Variants in MRPL48 observed in about 807,000 individuals in gnomAD.
The protein encoded by MRPL48 is large ribosomal subunit protein mL48.
A neutral mutation model predicts 32.9 loss-of-function variants in MRPL48; 16 were observed. That is an observed-to-expected ratio of 0.49 (90% confidence interval 0.33 to 0.74). The LOEUF is 0.74. Ranked by LOEUF, MRPL48 falls within the 30% of genes least tolerant of loss-of-function variation. The pLI is 0.02. For synonymous variants in MRPL48, 94 were observed against 89.2 expected, an observed-to-expected ratio of 1.05 and a Z score of -0.31; for missense variants, 206 against 245.3, an observed-to-expected ratio of 0.84 and a Z score of 1.07.
chr11:73,862,764 TA>T lies in MRPL48; in HGVS notation c.475-402del, dbSNP rs559660465. 4.6e-5 allele frequency among the ~76,000 whole-genome samples: 7 copies of T among 151,880 alleles called. 1 individual carries two copies. In the South Asian group the frequency reaches 1.5e-3, roughly 32 times the overall value. The stretch of plus-strand genomic sequence containing the variant: ...CCCTGTTTCTACCAAAAAATAAAAA[TA>T]AAAAATTAGCCGGGACTGGTGGCAC... On this transcript the variant is annotated intron_variant, in intron 6 of 7. Coordinates refer to ENST00000310614, the MANE Select transcript of MRPL48 (RefSeq NM_016055.6).
At chr11:73,847,492 G>A (rs182819008) in intron 5 of MRPL48, among the ~76,000 whole-genome samples, 2 of 151,784 alleles carry the variant, frequency 1.3e-5, no homozygotes, top group Middle Eastern at 3.4e-3. Flanking sequence ...CCAGGCTGGA[G>A]TGCAGTGGCA....
At chr11:73,814,497 C>A (rs1947623256) in intron 3 of MRPL48, among the ~76,000 whole-genome samples, 1 of 151,956 alleles carries the variant, frequency 6.6e-6, no homozygotes, top group South Asian at 2.1e-4. Flanking sequence ...GAGTTCGAGA[C>A]CAGCCTGGCC....
intron 1 of MRPL48, among the ~76,000 whole-genome samples, chr11:73,793,863 T>G (rs914714310): frequency 1.1e-4 from 17 of 151,326 alleles, no homozygotes; most frequent in Admixed American, 7.2e-4. Context: ...TTCGTGTTTT[T>G]TTTTTTTTTT....
intron 4 of MRPL48, among the ~76,000 whole-genome samples, chr11:73,828,161 G>T (rs997108211): frequency 6.6e-5 from 10 of 151,490 alleles, no homozygotes; most frequent in African/African-American, 2.4e-4. Context: ...AATATTTATT[G>T]AATATCTATT....
chr11:73,851,637 T>G (rs1483331386), intron 5 of MRPL48, among the ~76,000 whole-genome samples: 1 of 152,186 alleles, frequency 6.6e-6, no homozygotes, highest in Non-Finnish European at 1.5e-5. Context: ...CTTTTCCCTC[T>G]GACAGTGCAT....
intron 1 of MRPL48, among the ~76,000 whole-genome samples, chr11:73,790,683 C>T (rs1201411633): frequency 1.3e-5 from 2 of 151,514 alleles, no homozygotes; most frequent in East Asian, 1.9e-4. Flanking sequence ...CGTGCCTGGC[C>T]GCTCAGCTAA....
At chr11:73,824,007 C>T (rs1947837906) in intron 3 of MRPL48, among the ~76,000 whole-genome samples, 1 of 151,842 alleles carries the variant, frequency 6.6e-6, no homozygotes. Context: ...ATGCGTGCAC[C>T]ACCATGCCCA....
chr11:73,825,948 C>T (rs1342262842), intron 4 of MRPL48, among the ~76,000 whole-genome samples, 152 bp downstream of exon 4: 1 of 152,202 alleles, frequency 6.6e-6, no homozygotes, highest in African/African-American at 2.4e-5. Context: ...AATTTCCAGA[C>T]TGGAGATGTT....
At chr11:73,797,850 A>G (rs1301811367) in intron 1 of MRPL48, among the ~76,000 whole-genome samples, 1 of 152,194 alleles carries the variant, frequency 6.6e-6, no homozygotes, top group Non-Finnish European at 1.5e-5. Flanking sequence ...TCCGGCCAGA[A>G]AAATGACACT....
At chr11:73,795,460 T>C (rs1322346521) in intron 1 of MRPL48, among the ~76,000 whole-genome samples, 1 of 152,002 alleles carries the variant, frequency 6.6e-6, no homozygotes, top group Non-Finnish European at 1.5e-5. Flanking sequence ...ATAAAAGTTT[T>C]CTTGTGACTC....
intron 3 of MRPL48, among the ~76,000 whole-genome samples, chr11:73,808,693 G>A (rs1282727143): frequency 6.6e-6 from 1 of 152,016 alleles, no homozygotes; most frequent in Non-Finnish European, 1.5e-5. Context: ...AGGCCGAGGC[G>A]GGCGGATCAC....
Position 73,844,969 on chromosome 11 carries a change from G to C in MRPL48, c.364G>C (p.Glu122Gln). 1 of 1,607,462 alleles carries C rather than the reference G, an allele frequency of 6.2e-7. No homozygotes were observed. Among genetic ancestry groups the C allele is most frequent in the Non-Finnish European group, 8.5e-7 (1 of 1,175,564 alleles). The change falls in exon 5 of 8, where the codon GAG becomes CAG. Residue 122 changes from glutamate (E) to glutamine (Q), a missense_variant. Physicochemically the swap from Glu to Gln is conservative, Grantham distance 29. Transcript: ENST00000310614. ...NLCNSLSIKV[E>Q]ESYAMPTKTI... Reference sequence around the variant, plus strand: ...CTGCAACTCTCTCTCCATTAAAGTCGAGGAAAGGTATGAAGGATGCTTTTG... The same window carrying C: ...CTGCAACTCTCTCTCCATTAAAGTCCAGGAAAGGTATGAAGGATGCTTTTG...
intron 5 of MRPL48, among the ~76,000 whole-genome samples, chr11:73,848,658 G>C (rs1392748043): frequency 6.6e-6 from 1 of 151,694 alleles, no homozygotes; most frequent in Non-Finnish European, 1.5e-5. Context: ...TGGATTTGTT[G>C]GAAAACTGTA....
At chr11:73,790,062 A>AT (rs34534770) in intron 1 of MRPL48, among the ~76,000 whole-genome samples, 11,891 of 103,166 alleles carry the variant, frequency 0.12, 1,144 homozygotes, top group South Asian at 0.18. Context: ...TGCTCAGCTA[A>AT]TTTTTTTTTT....
In MRPL48 at chr11:73,851,203, G is replaced by A. The variant is rs567133868; in HGVS notation, c.371+6227G>A. ...CCAGTTCACACCGCCACTGGGTGCC[G>A]CCATATTGGACAAACAAAAATTATA... On this transcript the variant is annotated intron_variant, in intron 5 of 7. Coordinates refer to ENST00000310614, the MANE Select transcript of MRPL48 (RefSeq NM_016055.6). 1.2e-4 allele frequency: 49 copies of A among 425,624 alleles called. No individual in the cohort carries two copies. In the Middle Eastern group the frequency reaches 3.3e-3, roughly 29 times the overall value. 26.4% of individuals were successfully genotyped at this position (425,624 alleles called of 1,614,324 possible).
intron 5 of MRPL48, chr11:73,850,504 A>G (rs955713935): frequency 5.7e-6 from 2 of 351,236 alleles, no homozygotes; most frequent in Non-Finnish European, 1.1e-5. Context: ...GACACCGTTT[A>G]TTAAACACCT....
chr11:73,813,089 C>T (rs1947598557), intron 3 of MRPL48, among the ~76,000 whole-genome samples: 1 of 151,762 alleles, frequency 6.6e-6, no homozygotes, highest in South Asian at 2.1e-4. Context: ...AAAATTATGT[C>T]TCATTTTAAT....
chr11:73,823,177 C>A, intron 3 of MRPL48: 1 of 246,584 alleles, frequency 4.1e-6, no homozygotes, highest in South Asian at 4.2e-5. Flanking sequence ...CTTCCCCACT[C>A]CTCACATCTG....
chr11:73,798,116 C>G (rs1009216477), intron 1 of MRPL48, among the ~76,000 whole-genome samples: 6 of 152,156 alleles, frequency 3.9e-5, no homozygotes, highest in African/African-American at 1.4e-4. Context: ...GAGTCTCGCT[C>G]TGTCGCCCTG....
Sources: gnomAD v4.1 joint callset for allele counts (sites outside exome capture counted in the v4.1 genomes callset) on GRCh38, gnomAD v4.1.1 for gene constraint, MANE v1.5 for transcripts, NCBI Gene and HGNC (gene_info 2026-07-23, HGNC 2026-07-21) for gene names.